Variants in MLXIPL observed in about 807,000 individuals in gnomAD.
MLXIPL encodes the protein MLX interacting protein like.
MLXIPL carries 49 observed loss-of-function variants against 81.5 expected under a neutral mutation model. The ratio of observed to expected loss-of-function variants is 0.60; its 90% CI spans 0.48 to 0.76. MLXIPL has a LOEUF of 0.76. Among genes scored for constraint, MLXIPL ranks in the 30% least tolerant of loss-of-function variants. The pLI, the probability that MLXIPL is intolerant of heterozygous loss-of-function variation, is 0.00. For synonymous variants in MLXIPL, 466 were observed against 485.5 expected (o/e 0.96, Z 0.53); for missense variants, 1,053 against 1,167.0 (o/e 0.90, Z 1.42).
chr7:73,625,583 C>T (rs7811154), upstream of MLXIPL, among the ~76,000 whole-genome samples: 17,214 of 151,958 alleles, frequency 0.11, 1,290 homozygotes, highest in African/African-American at 0.21. Context: ...ATGGAGAAAC[C>T]CCTTCTCTAC....
At chr7:73,642,338 G>A in the MLXIPL span, among the ~76,000 whole-genome samples, 1 of 150,490 alleles carries the variant, frequency 6.6e-6, no homozygotes, top group Non-Finnish European at 1.5e-5. Flanking sequence ...TTTAATGGAG[G>A]TTTCTATTTA....
chr7:73,607,200 G>C (rs1795353348), intron 4 of MLXIPL, 131 bp downstream of exon 4: 1 of 1,253,050 alleles, frequency 8.0e-7, no homozygotes, highest in Non-Finnish European at 1.1e-6. Flanking sequence ...GTCGGCCCGG[G>C]ACTGAATGGA....
the MLXIPL span, among the ~76,000 whole-genome samples, chr7:73,644,630 T>G: frequency 3.3e-5 from 5 of 152,240 alleles, no homozygotes; most frequent in African/African-American, 9.6e-5. Flanking sequence ...TTTCTTCTTC[T>G]GTCCCTCTTT....
In MLXIPL at chr7:73,615,032, G is replaced by A. The variant is rs148881883; in HGVS notation, c.400+1039C>T. ...TCACTGCGTTAGGCAGGATGGTCTCGATCTCCTGACCTTGTGATCTGCCCG... is the reference window on the plus strand; with the variant it reads ...TCACTGCGTTAGGCAGGATGGTCTCAATCTCCTGACCTTGTGATCTGCCCG... On this transcript the variant is annotated intron_variant, in intron 2 of 16. Coordinates refer to ENST00000313375, the MANE Select transcript of MLXIPL (RefSeq NM_032951.3). Among the ~76,000 whole-genome samples the A allele has an allele frequency of 4.1e-3, 623 of 152,200 alleles. 7 individuals carry two copies. Among genetic ancestry groups the A allele is most frequent in the African/African-American group, 0.014 (588 of 41,524 alleles).
chr7:73,606,884 G>C (rs1457396349), intron 5 of MLXIPL, 90 bp downstream of exon 5: 16 of 1,401,194 alleles, frequency 1.1e-5, no homozygotes, highest in Non-Finnish European at 1.5e-5. Context: ...CCACTGTCTT[G>C]CCCACTGAGG....
chr7:73,628,170 T>C (rs1796782219), upstream of MLXIPL, among the ~76,000 whole-genome samples: 2 of 152,038 alleles, frequency 1.3e-5, no homozygotes, highest in Non-Finnish European at 2.9e-5. Context: ...TCCAAGTCTC[T>C]GCTGGCCGTG....
intron 8 of MLXIPL, 22 bp downstream of exon 8, chr7:73,599,504 G>A: frequency 6.2e-7 from 1 of 1,611,714 alleles, no homozygotes; most frequent in Non-Finnish European, 8.5e-7. Context: ...ACACAGGGCT[G>A]GACGGGGTGG....
Position 73,596,844 on chromosome 7 carries a change from G to A in MLXIPL, c.1671+21C>T, listed in dbSNP as rs782268820. On this transcript the variant is annotated intron_variant, in intron 10 of 16. Coordinates refer to ENST00000313375, the MANE Select transcript of MLXIPL (RefSeq NM_032951.3). The surrounding 1 kb of genome is among the most constrained non-coding windows in gnomAD (Gnocchi z 4.7). ...TGAAGGCCGTGGGCACAGCCCCACCGCCCAGTGCCCGAGATCTTACCGGGG... is the reference window on the plus strand; with the variant it reads ...TGAAGGCCGTGGGCACAGCCCCACCACCCAGTGCCCGAGATCTTACCGGGG... The A allele has an allele frequency of 4.7e-5, 75 of 1,609,442 alleles. 1 individual carries two copies. The highest frequency in any genetic ancestry group is 5.9e-5 in the Non-Finnish European group (69 of 1,178,794).
chr7:73,606,801 C>T, intron 5 of MLXIPL, 173 bp downstream of exon 5: 2 of 744,034 alleles, frequency 2.7e-6, no homozygotes, highest in Non-Finnish European at 4.5e-6. Context: ...ACCCTCACCC[C>T]CCAAGAAGAG....
the MLXIPL span, among the ~76,000 whole-genome samples, chr7:73,629,973 TTTTTA>T: frequency 9.6e-5 from 9 of 93,640 alleles, no homozygotes; most frequent in Admixed American, 1.3e-4. Context: ...TTTTTTATTA[TTTTTA>T]TTTATTTATT....
At chr7:73,633,793 C>A in the MLXIPL span, among the ~76,000 whole-genome samples, 1 of 152,118 alleles carries the variant, frequency 6.6e-6, no homozygotes, top group Non-Finnish European at 1.5e-5. Context: ...ACAGCCTGAG[C>A]ACCTCAAAGT....
chr7:73,593,845 G>A lies in MLXIPL; in HGVS notation c.*20C>T. On this transcript the variant is annotated 3_prime_UTR_variant, in exon 17 of 17. Transcript: ENST00000313375. ...AGCAGCCCCCAGGGCAGCTGAGTGA[G>A]CAGCAGGGTCTGGCCAGGACTATAA... The A allele has an allele frequency of 6.3e-7, 1 of 1,597,164 alleles. No individual in the cohort carries two copies. The highest frequency in any genetic ancestry group is 8.6e-7 in the Non-Finnish European group (1 of 1,164,726).
At chr7:73,613,322 G>A (rs1384228434) in intron 2 of MLXIPL, among the ~76,000 whole-genome samples, 5 of 152,190 alleles carry the variant, frequency 3.3e-5, no homozygotes, top group Non-Finnish European at 7.3e-5. Context: ...CTATTGGCCG[G>A]GCGCGGTGGC....
intron 7 of MLXIPL, among the ~76,000 whole-genome samples, chr7:73,605,295 A>G (rs1404710060): frequency 6.6e-6 from 1 of 151,386 alleles, no homozygotes; most frequent in Non-Finnish European, 1.5e-5. Flanking sequence ...ATGGTGGCTC[A>G]TGCCTGTAAT....
At chr7:73,630,197 C>T in the MLXIPL span, among the ~76,000 whole-genome samples, 1 of 151,050 alleles carries the variant, frequency 6.6e-6, no homozygotes, top group South Asian at 2.1e-4. Context: ...CGGGGTTTCA[C>T]TGTGTTAGCC....
At chr7:73,630,846 C>T in the MLXIPL span, among the ~76,000 whole-genome samples, 3 of 152,138 alleles carry the variant, frequency 2.0e-5, no homozygotes, top group African/African-American at 7.2e-5. Flanking sequence ...TAGCATTGAG[C>T]ATCTCCCACC....
At chr7:73,614,532 C>A (rs1288074317) in intron 2 of MLXIPL, among the ~76,000 whole-genome samples, 2 of 152,172 alleles carry the variant, frequency 1.3e-5, no homozygotes, top group East Asian at 3.9e-4. Context: ...TGCGTGTGGT[C>A]TCTCCTGGGC....
the MLXIPL span, among the ~76,000 whole-genome samples, chr7:73,639,841 G>A: frequency 3.4e-5 from 5 of 146,972 alleles, no homozygotes; most frequent in South Asian, 2.2e-4. Flanking sequence ...GGTGGATCAC[G>A]AGGTCAGGAG....
chr7:73,642,221 G>A, the MLXIPL span, among the ~76,000 whole-genome samples: 1 of 152,140 alleles, frequency 6.6e-6, no homozygotes, highest in African/African-American at 2.4e-5. Context: ...GCTAGAGTAT[G>A]GGGGTGGTGC....
Sources: allele counts gnomAD v4.1 joint callset (sites outside exome capture counted in the v4.1 genomes callset), GRCh38; gene constraint gnomAD v4.1.1; non-coding constraint Gnocchi (gnomAD v3.1); transcripts MANE v1.5; gene names NCBI Gene and HGNC (gene_info 2026-07-23, HGNC 2026-07-21).